Variants in NUP210L observed in about 807,000 individuals in gnomAD.
The protein encoded by NUP210L is nucleoporin 210 like.
A neutral mutation model predicts 208.5 loss-of-function variants in NUP210L; 74 were observed. That is an observed-to-expected ratio of 0.35 (90% CI 0.29 to 0.43). The LOEUF (loss-of-function observed/expected upper bound fraction) is 0.43, where lower values mean the gene tolerates loss of function less well. NUP210L is among the 20% of genes least tolerant of loss of function. The pLI is 1.00. For missense variants in NUP210L, 1,843 were observed against 2,289.4 expected, an observed-to-expected ratio of 0.81 and a Z score of 3.98; for synonymous variants, 780 against 816.9, an observed-to-expected ratio of 0.95 and a Z score of 0.77.
intron 38 of NUP210L, among the ~76,000 whole-genome samples, chr1:153,993,870 C>A (rs898998217): frequency 6.6e-5 from 10 of 152,130 alleles, no homozygotes; most frequent in Admixed American, 2.6e-4. Context: ...TTCACACCAG[C>A]CTGGGTGACA....
chr1:154,118,841 T>C (rs1301313441), intron 10 of NUP210L, 33 bp from the exon 11 acceptor site: 2 of 1,377,884 alleles, frequency 1.5e-6, no homozygotes, highest in African/African-American at 2.9e-5. Context: ...GCAAAATATA[T>C]TTATAAGGAC....
chr1:154,048,585 TCCAAACCAGG>T (rs1653313132), intron 25 of NUP210L, among the ~76,000 whole-genome samples: 1 of 152,184 alleles, frequency 6.6e-6, no homozygotes, highest in Non-Finnish European at 1.5e-5. Context: ...TGGGCCCTGT[TCCAAACCAGG>T]GCATTTCTGG....
chr1:154,103,412 C>G (rs1225338328), intron 13 of NUP210L, among the ~76,000 whole-genome samples: 4 of 147,778 alleles, frequency 2.7e-5, no homozygotes, highest in Non-Finnish European at 5.9e-5. Context: ...GTGGCTCACG[C>G]CTGTAATCCC....
chr1:154,089,521 C>G, exon 16 of NUP210L: 1 of 1,614,086 alleles, frequency 6.2e-7, no homozygotes. Flanking sequence ...ACAAATGAAG[C>G]GAACCTGCAA....
chr1:154,124,362 A>G (rs1230786746), intron 10 of NUP210L, among the ~76,000 whole-genome samples: 4 of 152,158 alleles, frequency 2.6e-5, no homozygotes, highest in Non-Finnish European at 1.5e-5. Flanking sequence ...GAGTGAAAGG[A>G]GCATTGGAGA....
chr1:154,057,259 G>A (rs924878849), intron 22 of NUP210L, among the ~76,000 whole-genome samples: 2 of 152,116 alleles, frequency 1.3e-5, no homozygotes, highest in Non-Finnish European at 2.9e-5. Flanking sequence ...ATTGCAGCAT[G>A]AGTCACCACG....
intron 35 of NUP210L, among the ~76,000 whole-genome samples, chr1:154,007,793 C>A (rs1650649278): frequency 6.6e-6 from 1 of 151,160 alleles, no homozygotes. Flanking sequence ...CCAGGATGGT[C>A]TCGGTCTCCT....
intron 7 of NUP210L, among the ~76,000 whole-genome samples, chr1:154,132,935 T>C (rs1270256993): frequency 6.6e-6 from 1 of 152,180 alleles, no homozygotes; most frequent in African/African-American, 2.4e-5. Flanking sequence ...TGTTGGCAAC[T>C]TTTCTTGAAG....
At chr1:154,084,281 G>A (rs1276710148) in intron 16 of NUP210L, among the ~76,000 whole-genome samples, 5 of 149,356 alleles carry the variant, frequency 3.3e-5, no homozygotes, top group African/African-American at 4.9e-5. Flanking sequence ...GTGTGATCTC[G>A]GTTCACTGCA....
intron 14 of NUP210L, among the ~76,000 whole-genome samples, chr1:154,099,035 T>C (rs1656321955): frequency 6.6e-6 from 1 of 152,104 alleles, no homozygotes; most frequent in African/African-American, 2.4e-5. Flanking sequence ...TCTGGCCAGA[T>C]TGTGACAGCG....
chr1:154,106,732 T>C (rs1412229736), intron 12 of NUP210L, among the ~76,000 whole-genome samples: 1 of 152,216 alleles, frequency 6.6e-6, no homozygotes, highest in Non-Finnish European at 1.5e-5. Flanking sequence ...ATCCAGGGAA[T>C]TCTCCCGGAT....
chr1:154,036,301 G>A (rs1652537058), intron 27 of NUP210L, among the ~76,000 whole-genome samples: 1 of 138,044 alleles, frequency 7.2e-6, no homozygotes, highest in African/African-American at 2.7e-5. Context: ...TTAATGTATA[G>A]GACAGTTGGA....
chr1:154,024,928 T>G (rs1438202912), intron 30 of NUP210L, among the ~76,000 whole-genome samples: 4 of 138,484 alleles, frequency 2.9e-5, no homozygotes, highest in Non-Finnish European at 6.3e-5. Context: ...ATCTGTTTTT[T>G]TTTTTTTTTT....
At chr1:154,140,394 C>A (rs1363335199) in intron 4 of NUP210L, among the ~76,000 whole-genome samples, 2 of 135,796 alleles carry the variant, frequency 1.5e-5, no homozygotes, top group Non-Finnish European at 3.2e-5. Context: ...AGGCAAGGCG[C>A]AGTGGCTCAC....
chr1:154,015,179 ATTAG>A (rs1258117576), intron 33 of NUP210L, among the ~76,000 whole-genome samples: 1 of 151,876 alleles, frequency 6.6e-6, no homozygotes, highest in Non-Finnish European at 1.5e-5. Flanking sequence ...CCCAGCATCC[ATTAG>A]TTATTCTTCC....
intron 29 of NUP210L, among the ~76,000 whole-genome samples, chr1:154,026,902 G>A (rs1040336070): frequency 4.6e-5 from 7 of 151,744 alleles, no homozygotes; most frequent in Non-Finnish European, 8.8e-5. Context: ...GGCCAACATG[G>A]TGAAACCCCA....
exon 9 of NUP210L, chr1:154,127,330 G>A: frequency 6.3e-7 from 1 of 1,576,636 alleles, no homozygotes; most frequent in South Asian, 1.1e-5. Context: ...ATAGACCTTT[G>A]TGCTGCTTTT....
At chr1:154,153,603 C>T (rs1659518114) in intron 1 of NUP210L, among the ~76,000 whole-genome samples, 2 of 152,160 alleles carry the variant, frequency 1.3e-5, no homozygotes, top group African/African-American at 4.8e-5. Flanking sequence ...AGCCACTGCG[C>T]CCGGCCGAAT....
chr1:154,023,127 C>T (rs1651659417), exon 31 of NUP210L: 1 of 1,613,498 alleles, frequency 6.2e-7, no homozygotes, highest in South Asian at 1.1e-5. Flanking sequence ...CATACCTGTT[C>T]AGAGCCAGAT....
Sources: allele counts gnomAD v4.1 joint callset (sites outside exome capture counted in the v4.1 genomes callset), GRCh38; gene constraint gnomAD v4.1.1; transcripts MANE v1.5; gene names NCBI Gene and HGNC (gene_info 2026-07-23, HGNC 2026-07-21).